DPP10: variants seen among roughly 807,000 people sequenced by gnomAD.
DPP10 encodes the protein inactive dipeptidyl peptidase 10.
Under a neutral mutation model 120.9 loss-of-function variants are expected in DPP10, and 33 were observed. The observed-to-expected ratio is 0.27, with a 90% CI of 0.21 to 0.37. The LOEUF is 0.37. Ranked by LOEUF, DPP10 falls within the 10% of genes least tolerant of loss-of-function variation. The pLI, the probability that DPP10 is intolerant of heterozygous loss-of-function variation, is 1.00. For missense variants in DPP10, 816 were observed against 942.8 expected (o/e 0.87, Z 1.76); for synonymous variants, 337 against 326.1 (o/e 1.03, Z -0.36).
chr2:114,892,362 A>T (rs112860015), intron 1 of DPP10, among the ~76,000 whole-genome samples: 3 of 152,174 alleles, frequency 2.0e-5, no homozygotes, highest in Non-Finnish European at 4.4e-5. Flanking sequence ...TAGATTTCAT[A>T]TGCCAATTTC....
intron 5 of DPP10, among the ~76,000 whole-genome samples, chr2:115,594,490 A>G (rs1480454562): frequency 1.3e-5 from 2 of 152,214 alleles, no homozygotes; most frequent in Non-Finnish European, 1.5e-5. Flanking sequence ...AAATTATTTC[A>G]GTATCTAATA....
intron 1 of DPP10, among the ~76,000 whole-genome samples, chr2:115,212,337 A>G (rs368936301): frequency 2.2e-4 from 33 of 152,282 alleles, no homozygotes; most frequent in Non-Finnish European, 4.0e-4. Context: ...AATCAACCCA[A>G]TGTACATGAC....
intron 1 of DPP10, among the ~76,000 whole-genome samples, chr2:114,696,129 G>T (rs1329881240): frequency 2.0e-5 from 3 of 152,022 alleles, no homozygotes; most frequent in East Asian, 3.9e-4. Flanking sequence ...AAATACAAGT[G>T]TAACAGTATG....
chr2:115,134,880 A>G (rs1332330782), intron 1 of DPP10, among the ~76,000 whole-genome samples: 1 of 152,154 alleles, frequency 6.6e-6, no homozygotes, highest in Non-Finnish European at 1.5e-5. Flanking sequence ...TTTACATCAG[A>G]TTAAAGAAGA....
At chr2:114,444,159 G>A (rs1198015229) in intron 1 of DPP10, among the ~76,000 whole-genome samples, 1 of 152,122 alleles carries the variant, frequency 6.6e-6, no homozygotes, top group Non-Finnish European at 1.5e-5. Flanking sequence ...ATCTTTTTCA[G>A]CATTAGATTT....
At chr2:115,745,763 T>G (rs1178775250) in intron 9 of DPP10, among the ~76,000 whole-genome samples, 1 of 151,298 alleles carries the variant, frequency 6.6e-6, no homozygotes, top group Non-Finnish European at 1.5e-5. Flanking sequence ...CTAGTTTGTT[T>G]GTTTGTTTGT....
At chr2:115,726,257 A>G (rs2092763529) in intron 7 of DPP10, among the ~76,000 whole-genome samples, 1 of 152,206 alleles carries the variant, frequency 6.6e-6, no homozygotes, top group Admixed American at 6.5e-5. Context: ...TAATTTACAT[A>G]TCAGCTAAAG....
At chr2:115,071,309 T>A (rs1707349286) in intron 1 of DPP10, among the ~76,000 whole-genome samples, 1 of 152,178 alleles carries the variant, frequency 6.6e-6, no homozygotes, top group South Asian at 2.1e-4. Flanking sequence ...CAGTGTATGG[T>A]GTTAACTCAT....
At chr2:114,691,199 G>T (rs561736944) in intron 1 of DPP10, among the ~76,000 whole-genome samples, 1 of 152,164 alleles carries the variant, frequency 6.6e-6, no homozygotes, top group African/African-American at 2.4e-5. Flanking sequence ...TTAGCTGTGG[G>T]TTTGTTATAT....
intron 5 of DPP10, among the ~76,000 whole-genome samples, chr2:115,555,429 C>A (rs1026097): frequency 0.97 from 147,448 of 152,186 alleles, 71,604 homozygotes; most frequent in East Asian, 1. Context: ...TTATATATTT[C>A]GGAAAATGAC....
rs180807151 is a variant in DPP10 at position 115,403,011 on chromosome 2, C to T, written c.271+59099C>T. Among the ~76,000 whole-genome samples, 8 of 147,580 alleles carry T rather than the reference C, an allele frequency of 5.4e-5. No homozygotes were observed. The East Asian group carries it at 1.6e-3, about 29-fold the overall frequency. On this transcript the variant is annotated intron_variant, in intron 3 of 25. Coordinates refer to ENST00000410059, the MANE Select transcript of DPP10 (RefSeq NM_020868.6). ...ATTGATAAAGATACATTTTTTAAAT[C>T]CTCAACGAAACTATTAGCAAACCCA...
At chr2:114,866,474 G>C (rs1690245682) in intron 1 of DPP10, among the ~76,000 whole-genome samples, 1 of 152,290 alleles carries the variant, frequency 6.6e-6, no homozygotes, top group South Asian at 2.1e-4. Context: ...TGAAAGTTTA[G>C]ATTGTTATTG....
chr2:115,638,133 A>G (rs2086502746), intron 5 of DPP10, among the ~76,000 whole-genome samples: 1 of 152,200 alleles, frequency 6.6e-6, no homozygotes, highest in Non-Finnish European at 1.5e-5. Context: ...GCCTAATTTT[A>G]ATGGGTACTG....
At chr2:115,101,473 T>C (rs189866312) in intron 1 of DPP10, among the ~76,000 whole-genome samples, 68 of 152,256 alleles carry the variant, frequency 4.5e-4, no homozygotes, top group Non-Finnish European at 8.1e-4. Context: ...CTGCATTCTT[T>C]CCTACCACTG....
chr2:115,014,347 G>T (rs752039583), intron 1 of DPP10, among the ~76,000 whole-genome samples: 3 of 152,164 alleles, frequency 2.0e-5, no homozygotes, highest in South Asian at 2.1e-4. Context: ...CTAAAACATA[G>T]TTTAGAGGGA....
chr2:114,947,969 C>T (rs1257732766), intron 1 of DPP10, among the ~76,000 whole-genome samples: 1 of 151,982 alleles, frequency 6.6e-6, no homozygotes, highest in Non-Finnish European at 1.5e-5. Context: ...AATCTAAGAT[C>T]TTATAGCTCT....
At chr2:114,898,280 T>C (rs1693218408) in intron 1 of DPP10, among the ~76,000 whole-genome samples, 1 of 148,756 alleles carries the variant, frequency 6.7e-6, no homozygotes, top group Non-Finnish European at 1.5e-5. Flanking sequence ...TTCTCACTCG[T>C]AGATGGGAAT....
intron 4 of DPP10, among the ~76,000 whole-genome samples, chr2:115,522,474 T>C (rs1204205639): frequency 6.6e-6 from 1 of 152,210 alleles, no homozygotes; most frequent in Non-Finnish European, 1.5e-5. Flanking sequence ...AATGGAATGA[T>C]ACGTACAAAA....
intron 1 of DPP10, among the ~76,000 whole-genome samples, chr2:115,007,995 A>G (rs1701979295): frequency 6.6e-6 from 1 of 151,914 alleles, no homozygotes; most frequent in African/African-American, 2.4e-5. Context: ...GAAAATGGCC[A>G]TACTGCCCAA....
Sources: gnomAD v4.1 joint callset for allele counts (sites outside exome capture counted in the v4.1 genomes callset) on GRCh38, gnomAD v4.1.1 for gene constraint, MANE v1.5 for transcripts, NCBI Gene and HGNC (gene_info 2026-07-23, HGNC 2026-07-21) for gene names.